DHX15: variants seen among roughly 807,000 people sequenced by gnomAD.
DHX15 encodes ATP-dependent RNA helicase DHX15.
DHX15 carries 11 observed loss-of-function variants against 94.4 expected under a neutral mutation model. The observed-to-expected ratio is 0.12, with a 90% CI of 0.07 to 0.19. The LOEUF is 0.19. DHX15 is among the 10% of genes least tolerant of loss of function. The pLI is 1.00. For synonymous variants in DHX15, 338 were observed against 329.9 expected, an observed-to-expected ratio of 1.02 and a Z score of -0.27; for missense variants, 304 against 988.5, an observed-to-expected ratio of 0.31 and a Z score of 9.29.
chr4:24,535,903 G>A (rs533483037), intron 11 of DHX15, among the ~76,000 whole-genome samples: 16 of 152,146 alleles, frequency 1.1e-4, no homozygotes, highest in South Asian at 6.2e-4. Flanking sequence ...AAATTGGAAC[G>A]TCAACTTTAT....
chr4:24,560,764 T>C (rs916034692), intron 3 of DHX15, among the ~76,000 whole-genome samples: 5 of 152,116 alleles, frequency 3.3e-5, no homozygotes, highest in African/African-American at 1.2e-4. Context: ...ATCAACTAGG[T>C]AGAAATCCTG....
chr4:24,534,502 T>G (rs1287593271), intron 11 of DHX15, among the ~76,000 whole-genome samples: 2 of 152,140 alleles, frequency 1.3e-5, no homozygotes, highest in African/African-American at 4.8e-5. Flanking sequence ...TGAGAAATAA[T>G]TGGGTAAATG....
chr4:24,553,706 G>A (rs1721660621), intron 5 of DHX15, among the ~76,000 whole-genome samples: 1 of 151,790 alleles, frequency 6.6e-6, no homozygotes, highest in South Asian at 2.1e-4. Flanking sequence ...GAACCCGGGA[G>A]GCAGAGGTTG....
chr4:24,582,872 G>A (rs759005953), intron 1 of DHX15, among the ~76,000 whole-genome samples: 6 of 152,188 alleles, frequency 3.9e-5, no homozygotes, highest in South Asian at 2.1e-4. Context: ...AGCCTAAAGA[G>A]AGTCTGTCTT....
intron 13 of DHX15, among the ~76,000 whole-genome samples, chr4:24,528,405 G>A (rs574455153): frequency 9.9e-5 from 15 of 152,264 alleles, no homozygotes; most frequent in African/African-American, 2.9e-4. Flanking sequence ...AGGAAACATC[G>A]TGGTATTCAA....
At chr4:24,561,372 A>G (rs1420240969) in intron 3 of DHX15, among the ~76,000 whole-genome samples, 2 of 152,230 alleles carry the variant, frequency 1.3e-5, no homozygotes, top group Non-Finnish European at 2.9e-5. Flanking sequence ...GGATTGTATT[A>G]GTTCAGCCAT....
chr4:24,550,208 TAGTGAA>T (rs1323932213), intron 5 of DHX15, among the ~76,000 whole-genome samples: 1 of 151,576 alleles, frequency 6.6e-6, no homozygotes, highest in Admixed American at 6.6e-5. Flanking sequence ...AGTGAGTACT[TAGTGAA>T]TGTGATGGCC....
chr4:24,552,295 T>C (rs1490539191), intron 5 of DHX15, among the ~76,000 whole-genome samples: 2 of 152,212 alleles, frequency 1.3e-5, no homozygotes, highest in Non-Finnish European at 2.9e-5. Context: ...AGCAGCAATA[T>C]GTTAGTAAAT....
At position 24,540,098 on chromosome 4, in the gene DHX15, C is replaced by T; in HGVS notation, c.1786+10G>A. On this transcript the variant is annotated intron_variant, in intron 10 of 13. Transcript: ENST00000336812. ...AGCTGGGCTTTTTTTTGTTCCTTTCCCTCTATTACCTGACAACATAGCAGT... is the reference window on the plus strand; with the variant it reads ...AGCTGGGCTTTTTTTTGTTCCTTTCTCTCTATTACCTGACAACATAGCAGT... 6.8e-7 allele frequency: 1 copy of T among 1,475,542 alleles called. No homozygotes were observed. The highest frequency in any genetic ancestry group is 2.5e-5 in the East Asian group (1 of 40,448). 91.4% of individuals were successfully genotyped at this position (1,475,542 alleles called of 1,614,324 possible). A position where few individuals can be genotyped will look rare whatever the true frequency, so the allele number is the denominator to read the frequency against.
rs1722269175 is a variant in DHX15, at chr4:24,576,459, AGAATGTGTT to A, written c.282_290del (p.Thr95_Ser97del). 1 of 1,614,092 alleles carries A rather than the reference AGAATGTGTT, an allele frequency of 6.2e-7. No homozygotes were observed. Among genetic ancestry groups the A allele is most frequent in the Non-Finnish European group, 8.5e-7 (1 of 1,180,042 alleles). On this transcript the variant is annotated inframe_deletion, in exon 2 of 14. Transcript: ENST00000336812. ...CATGTCCGGCATGCGTTGAATGAGC[AGAATGTGTT>A]GAATGCGTTGAATGTGCTGAGTGGG...
intron 9 of DHX15, 149 bp downstream of exon 9, chr4:24,540,691 T>C (rs1453724169): frequency 6.2e-6 from 3 of 483,708 alleles, no homozygotes; most frequent in Non-Finnish European, 1.1e-5. Flanking sequence ...TTTTTAGTTT[T>C]AATGCTATCA....
In DHX15 at chr4:24,548,836, A is replaced by C. The variant is rs749112456; in HGVS notation, c.1248+19T>G. The C allele has an allele frequency of 1.3e-6, 2 of 1,599,828 alleles. No homozygotes were observed. The highest frequency in any genetic ancestry group is 2.2e-5 in the South Asian group (2 of 89,562). On this transcript the variant is annotated intron_variant, in intron 6 of 13. Transcript: ENST00000336812. ...ATCATTATTAGTGAAATATTTATAA[A>C]GAGCATTTCTAATGTTACCTTTCTT... is the stretch of plus-strand genomic sequence containing the variant.
chr4:24,555,629 G>A (rs1050878947), intron 4 of DHX15, among the ~76,000 whole-genome samples: 14 of 151,986 alleles, frequency 9.2e-5, no homozygotes, highest in African/African-American at 3.4e-4. Context: ...TATAACACTT[G>A]TATCAACAAG....
At chr4:24,559,554 A>G (rs1204416820) in intron 3 of DHX15, among the ~76,000 whole-genome samples, 3 of 152,130 alleles carry the variant, frequency 2.0e-5, no homozygotes, top group Non-Finnish European at 4.4e-5. Flanking sequence ...AAGTTTTACT[A>G]ACTTTCTTAG....
chr4:24,550,193 G>A (rs1721562991), intron 5 of DHX15, among the ~76,000 whole-genome samples: 1 of 150,538 alleles, frequency 6.6e-6, no homozygotes, highest in East Asian at 2.0e-4. Flanking sequence ...AAGTTGCTGT[G>A]AGTGAGTGAG....
intron 11 of DHX15, among the ~76,000 whole-genome samples, chr4:24,536,261 C>T (rs572372209): frequency 1.3e-5 from 2 of 152,264 alleles, no homozygotes; most frequent in East Asian, 3.9e-4. Flanking sequence ...AATTTTTCCA[C>T]TGGTGGGCAT....
chr4:24,574,514 T>C lies in DHX15; in HGVS notation c.507+1729A>G, dbSNP rs970545179. On this transcript the variant is annotated intron_variant, in intron 2 of 13. Coordinates refer to ENST00000336812, the MANE Select transcript of DHX15 (RefSeq NM_001358.3). ...ACCTGACCTCCTTCTACACTAACCA[T>C]TAATAAACTCATCTCTGAAATGAGG... Among the ~76,000 whole-genome samples, 21 of 152,248 alleles carry C rather than the reference T, an allele frequency of 1.4e-4. No individual in the cohort carries two copies. The East Asian group carries it at 4.1e-3, about 29-fold the overall frequency.
chr4:24,576,687 A>G lies in DHX15; in HGVS notation c.72-9T>C. On this transcript the variant is annotated splice_polypyrimidine_tract_variant and intron_variant, in intron 1 of 13. Coordinates refer to ENST00000336812, the MANE Select transcript of DHX15 (RefSeq NM_001358.3). ...CTCGATCTCGATCCTTCCTAAAAAC[A>G]AAAATTTAGAATTCAGATTCTGAAT... 1 of 1,607,530 alleles carries G rather than the reference A, an allele frequency of 6.2e-7. No individual in the cohort carries two copies.
At chr4:24,533,143 T>A in intron 11 of DHX15, 89 bp from the exon 12 acceptor site, 5 of 1,125,772 alleles carry the variant, frequency 4.4e-6, no homozygotes, top group South Asian at 1.3e-5. Context: ...TTATAAAGAA[T>A]AAGCTAAATA....
Sources: allele counts gnomAD v4.1 joint callset (sites outside exome capture counted in the v4.1 genomes callset), GRCh38; gene constraint gnomAD v4.1.1; transcripts MANE v1.5; gene names NCBI Gene and HGNC (gene_info 2026-07-23, HGNC 2026-07-21).